Variants in KCNIP4 observed in about 807,000 individuals in gnomAD.
KCNIP4 encodes potassium voltage-gated channel interacting protein 4.
KCNIP4 carries 12 observed loss-of-function variants against 34.0 expected under a neutral mutation model. That is an observed-to-expected ratio of 0.35 (90% CI 0.23 to 0.57). KCNIP4 has a LOEUF of 0.57. Among genes scored for constraint, KCNIP4 ranks in the 20% least tolerant of loss-of-function variants. The pLI, the probability that KCNIP4 is intolerant of heterozygous loss-of-function variation, is 0.83. For missense variants in KCNIP4, 238 were observed against 311.7 expected (o/e 0.76, Z 1.78); for synonymous variants, 124 against 102.2 (o/e 1.21, Z -1.29).
intron 1 of KCNIP4, among the ~76,000 whole-genome samples, chr4:20,957,252 T>G: frequency 6.6e-6 from 1 of 152,144 alleles, no homozygotes; most frequent in South Asian, 2.1e-4. Context: ...AGAGTGAGGG[T>G]TCTATCTAGT....
At chr4:20,979,491 C>A (rs1192833406) in intron 1 of KCNIP4, among the ~76,000 whole-genome samples, 2 of 151,524 alleles carry the variant, frequency 1.3e-5, no homozygotes, top group Non-Finnish European at 2.9e-5. Context: ...CTCCGCCTCC[C>A]GGGTTCACGC....
intron 3 of KCNIP4, among the ~76,000 whole-genome samples, chr4:20,807,959 T>G (rs947577867): frequency 2.0e-5 from 3 of 152,164 alleles, no homozygotes; most frequent in Non-Finnish European, 4.4e-5. Context: ...AAATATAGCC[T>G]GATGACAACA....
intron 1 of KCNIP4, among the ~76,000 whole-genome samples, chr4:21,453,243 A>T (rs1245455945): frequency 6.6e-6 from 1 of 152,104 alleles, no homozygotes; most frequent in African/African-American, 2.4e-5. Context: ...CTGGAAGAGG[A>T]TAATGACTTA....
intron 1 of KCNIP4, among the ~76,000 whole-genome samples, chr4:21,872,513 T>C (rs1725876653): frequency 6.6e-6 from 1 of 152,158 alleles, no homozygotes; most frequent in Non-Finnish European, 1.5e-5. Flanking sequence ...AAGTACAGAA[T>C]CGTGACCCAA....
chr4:21,579,356 T>C (rs1741022163), intron 1 of KCNIP4, among the ~76,000 whole-genome samples: 1 of 152,224 alleles, frequency 6.6e-6, no homozygotes, highest in Non-Finnish European at 1.5e-5. Context: ...TTATTAAATT[T>C]CTTTCATCCC....
chr4:21,805,618 G>A (rs114037219), intron 1 of KCNIP4, among the ~76,000 whole-genome samples: 1,757 of 152,188 alleles, frequency 0.012, 35 homozygotes, highest in African/African-American at 0.04. Flanking sequence ...ACAGGAACCC[G>A]AGGCTGTTTA....
Position 21,319,443 on chromosome 4 carries a change from C to T in KCNIP4, c.62-436734G>A, listed in dbSNP as rs544775333. ...TCCATAGTTTATTCCTAGTACCTGC[C>T]TCTCAATTACCCAGAATCTTTTCCT... On this transcript the variant is annotated intron_variant, in intron 1 of 8. Transcript: ENST00000382152. Among the ~76,000 whole-genome samples, 22 of 152,288 alleles carry T rather than the reference C, an allele frequency of 1.4e-4. No individual in the cohort carries two copies. The South Asian group carries it at 1.4e-3, about 10-fold the overall frequency.
intron 1 of KCNIP4, among the ~76,000 whole-genome samples, chr4:21,452,051 C>T (rs560387606): frequency 2.6e-5 from 4 of 152,146 alleles, no homozygotes; most frequent in South Asian, 4.2e-4. Context: ...CCCCCAACTC[C>T]GCCTTCCAGA....
chr4:21,685,779 G>T (rs1750760278), intron 1 of KCNIP4, among the ~76,000 whole-genome samples: 1 of 152,178 alleles, frequency 6.6e-6, no homozygotes, highest in Admixed American at 6.5e-5. Context: ...TGTTGCCATT[G>T]TGTTAAGGAC....
chr4:20,933,256 AT>A (rs906168967), intron 1 of KCNIP4, among the ~76,000 whole-genome samples: 43 of 152,298 alleles, frequency 2.8e-4, no homozygotes, highest in African/African-American at 9.1e-4. Context: ...AAGAAAAAAA[AT>A]ATAAAAAAAT....
intron 2 of KCNIP4, among the ~76,000 whole-genome samples, chr4:20,875,267 A>G (rs1166208365): frequency 6.6e-6 from 1 of 152,158 alleles, no homozygotes; most frequent in Non-Finnish European, 1.5e-5. Flanking sequence ...AAGTACAGAG[A>G]CTTTGCAGCT....
chr4:21,017,182 TA>T (rs1739618965), intron 1 of KCNIP4, among the ~76,000 whole-genome samples: 1 of 152,216 alleles, frequency 6.6e-6, no homozygotes, highest in Non-Finnish European at 1.5e-5. Context: ...CAATAAAATA[TA>T]AATTATTTTA....
At chr4:21,840,445 G>A (rs897604558) in intron 1 of KCNIP4, among the ~76,000 whole-genome samples, 2 of 152,060 alleles carry the variant, frequency 1.3e-5, no homozygotes, top group African/African-American at 4.8e-5. Flanking sequence ...TGCATTTTGA[G>A]GAAGAGGCAA....
intron 1 of KCNIP4, among the ~76,000 whole-genome samples, chr4:21,664,420 A>G (rs1371498371): frequency 6.6e-6 from 1 of 152,184 alleles, no homozygotes; most frequent in Non-Finnish European, 1.5e-5. Context: ...GAGACAAAAA[A>G]AAAAAAATAG....
chr4:21,086,917 CTT>C (rs1746487097), intron 1 of KCNIP4, among the ~76,000 whole-genome samples: 1 of 150,628 alleles, frequency 6.6e-6, no homozygotes, highest in Non-Finnish European at 1.5e-5. Context: ...CTCTTTCCCT[CTT>C]TCCCTTTCCT....
chr4:21,409,026 AT>A (rs1724241766), intron 1 of KCNIP4, among the ~76,000 whole-genome samples: 1 of 152,046 alleles, frequency 6.6e-6, no homozygotes, highest in Non-Finnish European at 1.5e-5. Context: ...CTTAATTTTT[AT>A]GTTATTTGGT....
intron 1 of KCNIP4, among the ~76,000 whole-genome samples, chr4:20,996,527 C>G (rs1466244286): frequency 6.6e-6 from 1 of 152,110 alleles, no homozygotes; most frequent in Non-Finnish European, 1.5e-5. Context: ...ACTTTGTGAT[C>G]CCCATGTGAT....
At chr4:21,295,451 T>C (rs552965226) in intron 1 of KCNIP4, among the ~76,000 whole-genome samples, 1 of 152,212 alleles carries the variant, frequency 6.6e-6, no homozygotes, top group African/African-American at 2.4e-5. Flanking sequence ...AGTTCTAAAG[T>C]CCTTATAATG....
chr4:21,099,928 T>C (rs1577688404), intron 1 of KCNIP4, among the ~76,000 whole-genome samples: 2 of 152,098 alleles, frequency 1.3e-5, no homozygotes, highest in African/African-American at 4.8e-5. Context: ...CGAGCCTGAA[T>C]ATGTGACTGA....
Sources: allele counts gnomAD v4.1 joint callset (sites outside exome capture counted in the v4.1 genomes callset), GRCh38; gene constraint gnomAD v4.1.1; transcripts MANE v1.5; gene names NCBI Gene and HGNC (gene_info 2026-07-23, HGNC 2026-07-21).